The following NOX4 variants were observed in gnomAD, a reference collection of about 807,000 sequenced individuals.
NOX4 encodes NADPH oxidase 4, also known as kidney oxidase-1.
NOX4 carries 69 observed loss-of-function variants against 87.6 expected under a neutral mutation model. The observed-to-expected ratio is 0.79, with a 90% confidence interval of 0.65 to 0.96. The LOEUF (loss-of-function observed/expected upper bound fraction) is 0.96, where lower values mean the gene tolerates loss of function less well. Among genes scored for constraint, NOX4 ranks in the 40% least tolerant of loss-of-function variants. The probability of loss-of-function intolerance (pLI) is 0.00; values close to 1 mark genes in which losing one functional copy is unlikely to be tolerated. For missense variants in NOX4, 680 were observed against 681.5 expected (o/e 1.00, Z 0.02); for synonymous variants, 275 against 238.2 (o/e 1.15, Z -1.42).
chr11:89,573,315 T>A, the NOX4 span, among the ~76,000 whole-genome samples: 1 of 152,114 alleles, frequency 6.6e-6, no homozygotes, highest in Non-Finnish European at 1.5e-5. Context: ...AGGCAGCAGA[T>A]CACAAGCTCA....
intron 11 of NOX4, among the ~76,000 whole-genome samples, chr11:89,397,472 G>A (rs1441688334): frequency 1.3e-5 from 2 of 152,226 alleles, no homozygotes; most frequent in African/African-American, 2.4e-5. Flanking sequence ...TAAGATCAGA[G>A]CTGAACTGAA....
intron 2 of NOX4, among the ~76,000 whole-genome samples, chr11:89,488,030 T>C (rs1946700404): frequency 6.6e-6 from 1 of 152,060 alleles, no homozygotes; most frequent in African/African-American, 2.4e-5. Flanking sequence ...ACTGGAAAAT[T>C]CATAACAGAT....
rs1945226046 is a variant in NOX4, at chr11:89,326,514, A to C, written c.*242T>G. On this transcript the variant is annotated 3_prime_UTR_variant, in exon 18 of 18. Coordinates refer to ENST00000263317, the MANE Select transcript of NOX4 (RefSeq NM_016931.5). ...AGTGTGCATCTAACAGTTTTCTTTT[A>C]ATTTGAGAACTGAAAAGTGAATCAT... The C allele has an allele frequency of 1.3e-5, 4 of 316,790 alleles. No individual in the cohort carries two copies. The highest frequency in any genetic ancestry group is 6.5e-5 in the African/African-American group (3 of 46,122). The allele number at this position is 316,790 out of a possible 1,614,324, so 19.6% of individuals were successfully genotyped here. A position where few individuals can be genotyped will look rare whatever the true frequency, so the allele number is the denominator to read the frequency against.
chr11:89,424,189 A>C (rs1943246816), intron 7 of NOX4, among the ~76,000 whole-genome samples: 1 of 151,888 alleles, frequency 6.6e-6, no homozygotes, highest in Non-Finnish European at 1.5e-5. Flanking sequence ...CAGATATTAT[A>C]TGTTTTGCTG....
Position 89,342,127 on chromosome 11 carries a change from G to T in NOX4, c.1284C>A (p.Cys428Ter), listed in dbSNP as rs754462984. Residue 428 changes from cysteine to a stop codon, truncating the protein, a stop_gained, in exon 14 of 18, where the codon TGC becomes TGA. Transcript: ENST00000263317. LOFTEE classifies it high-confidence loss of function. ...GAGTTACTCCAATGCCTCCAGCCAC[G>T]CAGAGGCTGACCTCATAGTTCAGTG... The part of the protein sequence containing the change: ...EESLNYEVSL[C>*]VAGGIGVTPF... 11 of 1,610,312 alleles carry T rather than the reference G, an allele frequency of 6.8e-6. No homozygotes were observed. Among genetic ancestry groups the T allele is most frequent in the East Asian group, 4.5e-5 (2 of 44,862 alleles).
chr11:89,365,513 C>T (rs1938895401), intron 12 of NOX4, among the ~76,000 whole-genome samples: 1 of 150,962 alleles, frequency 6.6e-6, no homozygotes. Context: ...GTTGGGTAAA[C>T]ACATTATTGC....
At chr11:89,469,263 G>A (rs1326754435) in intron 2 of NOX4, among the ~76,000 whole-genome samples, 10 of 152,042 alleles carry the variant, frequency 6.6e-5, no homozygotes, top group Admixed American at 6.6e-4. Context: ...ATTGTTCAAA[G>A]GGAGTTGAAA....
chr11:89,346,119 A>G (rs1946204890), intron 13 of NOX4, among the ~76,000 whole-genome samples: 1 of 152,236 alleles, frequency 6.6e-6, no homozygotes, highest in Admixed American at 6.5e-5. Flanking sequence ...AATCAGCAGC[A>G]TTTCCATGTA....
At chr11:89,383,661 C>T (rs1940463095) in intron 11 of NOX4, among the ~76,000 whole-genome samples, 1 of 152,108 alleles carries the variant, frequency 6.6e-6, no homozygotes. Context: ...CTTAAAACTC[C>T]CCAACTCTGA....
chr11:89,530,904 T>C, the NOX4 span, among the ~76,000 whole-genome samples: 1 of 152,114 alleles, frequency 6.6e-6, no homozygotes, highest in Non-Finnish European at 1.5e-5. Context: ...GAAACGTAGG[T>C]ACAGAGAAGA....
chr11:89,488,856 G>A, intron 2 of NOX4: 2 of 611,652 alleles, frequency 3.3e-6, no homozygotes, highest in South Asian at 4.0e-5. Flanking sequence ...GTGTTTATTA[G>A]AAGAAACCTT....
chr11:89,548,275 T>C, the NOX4 span: 2 of 152,152 alleles, frequency 1.3e-5, no homozygotes, highest in Non-Finnish European at 2.9e-5. Flanking sequence ...AGTGTCTTTA[T>C]AGGAAAAGAC....
chr11:89,511,890 G>A, the NOX4 span, among the ~76,000 whole-genome samples: 1 of 151,926 alleles, frequency 6.6e-6, no homozygotes, highest in Non-Finnish European at 1.5e-5. Flanking sequence ...TTTAAGACGA[G>A]GACAATTTAC....
intron 2 of NOX4, among the ~76,000 whole-genome samples, chr11:89,454,519 A>C (rs1945102732): frequency 6.6e-6 from 1 of 152,168 alleles, no homozygotes; most frequent in Non-Finnish European, 1.5e-5. Context: ...ACTACCTAAG[A>C]CTATTTAGCC....
chr11:89,390,895 A>G (rs1424640202), intron 11 of NOX4, among the ~76,000 whole-genome samples: 1 of 152,140 alleles, frequency 6.6e-6, no homozygotes, highest in African/African-American at 2.4e-5. Context: ...ATTCTGACTC[A>G]GTCTACTCCA....
At chr11:89,360,279 T>A (rs1938419542) in intron 12 of NOX4, among the ~76,000 whole-genome samples, 1 of 152,096 alleles carries the variant, frequency 6.6e-6, no homozygotes, top group South Asian at 2.1e-4. Context: ...TCATACAGTC[T>A]GCAGTATTTA....
chr11:89,344,263 A>G (rs906059122), intron 13 of NOX4, among the ~76,000 whole-genome samples: 4 of 152,162 alleles, frequency 2.6e-5, no homozygotes, highest in Non-Finnish European at 5.9e-5. Flanking sequence ...TCTTTTAATT[A>G]ATAAAAAATT....
At chr11:89,511,209 C>T in the NOX4 span, among the ~76,000 whole-genome samples, 1 of 151,970 alleles carries the variant, frequency 6.6e-6, no homozygotes, top group South Asian at 2.1e-4. Flanking sequence ...AACTAATTCA[C>T]ATTTTCATCA....
intron 11 of NOX4, among the ~76,000 whole-genome samples, chr11:89,391,476 C>T (rs1022577518): frequency 1.4e-4 from 22 of 151,956 alleles, no homozygotes; most frequent in African/African-American, 4.1e-4. Context: ...ATGGGATTGG[C>T]GGCATGGGGT....
Sources: allele counts gnomAD v4.1 joint callset (sites outside exome capture counted in the v4.1 genomes callset), GRCh38; gene constraint gnomAD v4.1.1; transcripts MANE v1.5; gene names NCBI Gene and HGNC (gene_info 2026-07-23, HGNC 2026-07-21).